Variants in ABCA2 observed in about 807,000 individuals in gnomAD.
ABCA2 encodes the protein ATP binding cassette subfamily A member 2.
ABCA2 carries 84 observed loss-of-function variants against 262.8 expected under a neutral mutation model. The ratio of observed to expected loss-of-function variants is 0.32; its 90% confidence interval spans 0.27 to 0.38. The LOEUF (loss-of-function observed/expected upper bound fraction) is 0.38, where lower values mean the gene tolerates loss of function less well. ABCA2 is among the 10% of genes least tolerant of loss of function. The pLI, the probability that ABCA2 is intolerant of heterozygous loss-of-function variation, is 1.00. For synonymous variants in ABCA2, 1,696 were observed against 1,502.9 expected (o/e 1.13, Z -2.97); for missense variants, 2,662 against 3,405.9 (o/e 0.78, Z 5.44).
chr9:137,017,312 G>T lies in ABCA2; in HGVS notation c.2437C>A (p.Leu813Met). The T allele has an allele frequency of 2.5e-6, 4 of 1,612,670 alleles. No individual in the cohort carries two copies. The highest frequency in any genetic ancestry group is 1.7e-6 in the Non-Finnish European group (2 of 1,179,892). ...ATGATGCCACCGCAGGCCGAGGCCA[G>T]CTTGGCCTTGGAGTACAGCACAGAC... ...LVSVLYSKAK[L>M]ASACGGIIYF... The change falls in exon 18 of 49, where the codon CTG (leucine) becomes ATG (methionine). Residue 813 changes from leucine to methionine, a missense_variant. Leu to Met is a conservative substitution (Grantham distance 15). Transcript: ENST00000341511.
intron 10 of ABCA2, 67 bp downstream of exon 10, chr9:137,020,269 G>A: frequency 1.9e-6 from 3 of 1,597,810 alleles, no homozygotes; most frequent in Non-Finnish European, 2.6e-6. Flanking sequence ...CTGCCCAGGG[G>A]TCCCAGGCCT....
In ABCA2 at chr9:137,009,972, C is replaced by T. The variant is rs1018109494; in HGVS notation, c.6495+11G>A. The T allele has an allele frequency of 1.9e-6, 3 of 1,597,030 alleles. No homozygotes were observed. The highest frequency in any genetic ancestry group is 1.3e-5 in the African/African-American group (1 of 74,548). On this transcript the variant is annotated intron_variant, in intron 42 of 48. Transcript: ENST00000341511. ...CGTGCTGACTCCCTGCCCCGCCCCACAGATCCTCACCCGGGCCTCGTCCTT... is the reference window on the plus strand; with the variant it reads ...CGTGCTGACTCCCTGCCCCGCCCCATAGATCCTCACCCGGGCCTCGTCCTT...
rs1831411234 is a variant in ABCA2, at chr9:137,020,468, C to T, written c.1293G>A (p.Arg431=). ...TGAAGCCCAGGGAGCTCATGTTGCC[C>T]CGCCGCAGCGCCTCGGGTTCAATGG... ...NRTIEPEALR[R]GNMSSLGFTS... is the part of the protein sequence containing the mutation. The change falls in exon 10 of 49, where the codon CGG becomes CGA. Residue 431 remains arginine (R), a synonymous_variant. Transcript: ENST00000341511. 1 of 1,605,814 alleles carries T rather than the reference C, an allele frequency of 6.2e-7. No homozygotes were observed. The highest frequency in any genetic ancestry group is 8.5e-7 in the Non-Finnish European group (1 of 1,176,296).
chr9:137,025,780 C>G (rs938984089), intron 1 of ABCA2, among the ~76,000 whole-genome samples: 1 of 152,194 alleles, frequency 6.6e-6, no homozygotes, highest in African/African-American at 2.4e-5. Flanking sequence ...GCAACAGGCC[C>G]GGCTGCCTCC....
chr9:137,011,593 C>T lies in ABCA2; in HGVS notation c.5652-39G>A, dbSNP rs774982116. 3.4e-5 allele frequency: 53 copies of T among 1,558,132 alleles called. 1 individual carries two copies. The South Asian group carries it at 4.5e-4, about 13-fold the overall frequency. On this transcript the variant is annotated intron_variant, in intron 36 of 48. Transcript: ENST00000341511. This position sits in a 1 kb window ranked among gnomAD's most constrained non-coding sequence, Gnocchi z 8.8. ...GCGGGCAGTGGTCACCAGGCAGCCCCGGTCCCACCTGAGGCCGCTCCCCCC... is the reference window on the plus strand; with the variant it reads ...GCGGGCAGTGGTCACCAGGCAGCCCTGGTCCCACCTGAGGCCGCTCCCCCC...
At position 137,015,978 on chromosome 9, in the gene ABCA2, G is replaced by A. The variant is rs771747170; in HGVS notation, c.3301C>T (p.Arg1101Cys). Residue 1101 changes from arginine (R) to cysteine (C), a missense_variant, in exon 22 of 49, where the codon CGC becomes TGC. This residue lies in a region of ABCA2 where 180 missense variants were observed against 307.3 expected (regional missense o/e 0.59). Transcript: ENST00000341511. Reference sequence around the variant, plus strand: ...CCCACCCACTTGTCCATCTCTCTGCGGATCTCCTCCTGAGCCATGCTCTTG... The same window carrying A: ...CCCACCCACTTGTCCATCTCTCTGCAGATCTCCTCCTGAGCCATGCTCTTG... ...RLKSMAQEEI[R>C]REMDKMIEDL... The A allele has an allele frequency of 7.5e-5, 118 of 1,578,952 alleles. No individual in the cohort carries two copies. Among genetic ancestry groups the A allele is most frequent in the Non-Finnish European group, 9.0e-5 (104 of 1,161,446 alleles).
intron 46 of ABCA2, 32 bp from the exon 47 acceptor site, chr9:137,008,900 G>GCC (rs59031144): frequency 1.5e-3 from 2,358 of 1,542,852 alleles, no homozygotes; most frequent in Non-Finnish European, 1.8e-3. Context: ...GCCTGGCAGC[G>GCC]CCCCCCCACC....
intron 40 of ABCA2, 104 bp from the exon 41 acceptor site, chr9:137,010,475 C>T (rs1457180352): frequency 5.5e-6 from 8 of 1,457,652 alleles, no homozygotes; most frequent in South Asian, 2.6e-5. Context: ...CAGGGGGCCA[C>T]GTGCCCCACA....
At position 137,024,278 on chromosome 9, in the gene ABCA2, C is replaced by T. The variant is rs374447442; in HGVS notation, c.67-42G>A. The T allele has an allele frequency of 3.7e-4, 563 of 1,518,754 alleles. 1 individual carries two copies. The highest frequency in any genetic ancestry group is 4.8e-4 in the Non-Finnish European group (533 of 1,117,694). 94.1% of individuals were successfully genotyped at this position (1,518,754 alleles called of 1,614,324 possible). A position where few individuals can be genotyped will look rare whatever the true frequency, so the allele number is the denominator to read the frequency against. On this transcript the variant is annotated intron_variant, in intron 1 of 48. Transcript: ENST00000341511. ...CAGTGAGGGATAGGACAGACCTGTG[C>T]TCGCCTAGGCCCTCCCCAGCCTCCC...
intron 39 of ABCA2, 87 bp downstream of exon 39, chr9:137,010,881 ATCCCT>A: frequency 3.7e-6 from 1 of 273,662 alleles, no homozygotes; most frequent in East Asian, 6.7e-5. Context: ...CTCCTGCCCC[ATCCCT>A]GCCCCCACCC....
At chr9:137,008,157 G>A (rs1249318780) in intron 48 of ABCA2, 193 bp from the exon 49 acceptor site, 25 of 825,108 alleles carry the variant, frequency 3.0e-5, no homozygotes, top group South Asian at 2.5e-4. Flanking sequence ...AGTCTACATC[G>A]GTCCCCTGTT....
At position 137,015,460 on chromosome 9, in the gene ABCA2, G is replaced by A. The variant is rs1427531272; in HGVS notation, c.3651C>T (p.Tyr1217=). The stretch of plus-strand genomic sequence containing the variant: ...CGGGCCGCTTGACCAGCGTGAGGCG[G>A]TACCCGTCGCCATAGGTGCCCTTGA... ...LFLKGTYGDG[Y]RLTLVKRPAE... Residue 1217 remains tyrosine, a synonymous_variant, in exon 24 of 49, where the codon TAC becomes TAT. Transcript: ENST00000341511. The A allele has an allele frequency of 3.1e-6, 5 of 1,589,932 alleles. No homozygotes were observed. The highest frequency in any genetic ancestry group is 4.6e-5 in the East Asian group (2 of 43,180).
In ABCA2 at chr9:137,010,646, T is replaced by C; in HGVS notation, c.6148A>G (p.Met2050Val). 2.1e-6 allele frequency: 3 copies of C among 1,438,580 alleles called. No individual in the cohort carries two copies. The highest frequency in any genetic ancestry group is 1.9e-6 in the Non-Finnish European group (2 of 1,070,700). The allele number at this position is 1,438,580 out of a possible 1,614,324, so 89.1% of individuals were successfully genotyped here. A position where few individuals can be genotyped will look rare whatever the true frequency, so the allele number is the denominator to read the frequency against. The change falls in exon 40 of 49, where the codon ATG becomes GTG. Residue 2050 changes from methionine to valine, a missense_variant. Physicochemically the swap from Met to Val is conservative, Grantham distance 21. This residue lies in a region of ABCA2 where 602 missense variants were observed against 897.4 expected (regional missense o/e 0.67). Transcript: ENST00000341511. ...RVLRGDADND[M>V]VKIENLTKVY... ...TTGGTCAGGTTCTCAATCTTGACCATGTCATTGTCGGCGTCTCCCCGGAGC... is the reference window on the plus strand; with the variant it reads ...TTGGTCAGGTTCTCAATCTTGACCACGTCATTGTCGGCGTCTCCCCGGAGC...
Position 137,021,811 on chromosome 9 carries a change from C to A in ABCA2, c.678+80G>T. 7.2e-7 allele frequency: 1 copy of A among 1,380,240 alleles called. No homozygotes were observed. Among genetic ancestry groups the A allele is most frequent in the Admixed American group, 2.0e-5 (1 of 50,248 alleles). The allele number at this position is 1,380,240 out of a possible 1,614,324, so 85.5% of individuals were successfully genotyped here. A position where few individuals can be genotyped will look rare whatever the true frequency, so the allele number is the denominator to read the frequency against. ...GAGGAGCTCCAAGTCACCAAAGGGG[C>A]CCTTTCCTCACCCACGGAGCAGAAG... On this transcript the variant is annotated intron_variant, in intron 7 of 48. Transcript: ENST00000341511. The surrounding 1 kb of genome is among the most constrained non-coding windows in gnomAD (Gnocchi z 6.0).
intron 48 of ABCA2, 73 bp downstream of exon 48, chr9:137,008,343 C>A (rs745893296): frequency 2.6e-6 from 4 of 1,520,980 alleles, no homozygotes; most frequent in Non-Finnish European, 2.7e-6. Flanking sequence ...CGACCCCACC[C>A]GCGGCTGGAG....
chr9:137,018,880 G>GT, intron 12 of ABCA2, 23 bp downstream of exon 12: 1 of 1,612,098 alleles, frequency 6.2e-7, no homozygotes. Context: ...GTCGTGGGTT[G>GT]GCTCGGAGGC....
At position 137,018,756 on chromosome 9, in the gene ABCA2, G is replaced by T; in HGVS notation, c.1782C>A (p.Leu594=). Residue 594 remains leucine (L), a synonymous_variant, in exon 13 of 49, where the codon CTC becomes CTA. Transcript: ENST00000341511. ...PDEESIVNYT[L]NQAYQDNVTV... The stretch of plus-strand genomic sequence containing the variant: ...TGACGTTGTCCTGGTAGGCCTGGTT[G>T]AGGGTGTAGTTGACAATGCTCTCCT... The T allele has an allele frequency of 1.9e-6, 3 of 1,612,360 alleles. No individual in the cohort carries two copies. Among genetic ancestry groups the T allele is most frequent in the Non-Finnish European group, 2.5e-6 (3 of 1,179,840 alleles).
Position 137,014,131 on chromosome 9 carries a change from C to G in ABCA2, c.4240+37G>C, listed in dbSNP as rs752351057. 39 of 1,595,096 alleles carry G rather than the reference C, an allele frequency of 2.4e-5. No individual in the cohort carries two copies. In the East Asian group the frequency reaches 3.6e-4, roughly 15 times the overall value. On this transcript the variant is annotated intron_variant, in intron 27 of 48. Coordinates refer to ENST00000341511, the MANE Select transcript of ABCA2 (RefSeq NM_001606.5). Reference sequence around the variant, plus strand: ...CCGCTCCCCCGCAACCCTGCTCCCCCTCCCTTGCTGTCCCAGCCTCACCCT... The same window carrying G: ...CCGCTCCCCCGCAACCCTGCTCCCCGTCCCTTGCTGTCCCAGCCTCACCCT...
chr9:137,010,569 C>A (rs778836592), intron 40 of ABCA2, 51 bp downstream of exon 40: 1 of 1,578,642 alleles, frequency 6.3e-7, no homozygotes, highest in East Asian at 2.2e-5. Context: ...CCCCACCCCC[C>A]TGGCCCTGGC....
Sources: gnomAD v4.1 joint callset for allele counts (sites outside exome capture counted in the v4.1 genomes callset) on GRCh38, gnomAD v4.1.1 for gene constraint, gnomAD v4.1.1 regional missense constraint, Gnocchi (gnomAD v3.1) non-coding constraint, MANE v1.5 for transcripts, NCBI Gene and HGNC (gene_info 2026-07-23, HGNC 2026-07-21) for gene names.